ADCY8: variants seen among roughly 807,000 people sequenced by gnomAD.
ADCY8 encodes adenylate cyclase 8.
ADCY8 carries 51 observed loss-of-function variants against 119.7 expected under a neutral mutation model. The observed-to-expected ratio is 0.43, with a 90% CI of 0.34 to 0.54. The LOEUF (loss-of-function observed/expected upper bound fraction) is 0.54, where lower values mean the gene tolerates loss of function less well. Among genes scored for constraint, ADCY8 ranks in the 20% least tolerant of loss-of-function variants. The pLI is 0.03. For missense variants in ADCY8, 1,383 were observed against 1,598.8 expected (o/e 0.87, Z 2.30); for synonymous variants, 665 against 651.0 (o/e 1.02, Z -0.33).
At chr8:130,870,805 G>C (rs1241643130) in intron 8 of ADCY8, among the ~76,000 whole-genome samples, 2 of 152,116 alleles carry the variant, frequency 1.3e-5, no homozygotes, top group African/African-American at 4.8e-5. Context: ...GGCAAATTGG[G>C]TGGAGACAAA....
chr8:130,791,127 G>T (rs1815411725), intron 15 of ADCY8, among the ~76,000 whole-genome samples: 1 of 152,190 alleles, frequency 6.6e-6, no homozygotes, highest in Non-Finnish European at 1.5e-5. Flanking sequence ...CATAAATCCT[G>T]CTCTCTCTCA....
intron 2 of ADCY8, among the ~76,000 whole-genome samples, chr8:130,965,663 C>G (rs1253397024): frequency 6.6e-6 from 1 of 151,922 alleles, no homozygotes; most frequent in Non-Finnish European, 1.5e-5. Flanking sequence ...TTGATATTAT[C>G]AGAATATTTG....
At position 130,937,066 on chromosome 8, in the gene ADCY8, A is replaced by C; in HGVS notation, c.1481+7T>G. The C allele has an allele frequency of 6.2e-7, 1 of 1,608,756 alleles. No individual in the cohort carries two copies. The highest frequency in any genetic ancestry group is 8.5e-7 in the Non-Finnish European group (1 of 1,176,796). ...ACCCAGGTAACATGATGGGGATCAC[A>C]AATTACCTGATGGTTTTGATCATGC... On this transcript the variant is annotated splice_region_variant and intron_variant, in intron 5 of 17. Transcript: ENST00000286355.
chr8:130,791,231 G>A (rs1246825398), intron 15 of ADCY8, among the ~76,000 whole-genome samples: 1 of 152,226 alleles, frequency 6.6e-6, no homozygotes, highest in Non-Finnish European at 1.5e-5. Flanking sequence ...GAGGGTGATG[G>A]GTGGAGTCAG....
intron 9 of ADCY8, among the ~76,000 whole-genome samples, chr8:130,852,628 C>T (rs564754559): frequency 4.7e-4 from 72 of 152,290 alleles, no homozygotes; most frequent in African/African-American, 1.5e-3. Flanking sequence ...CTTTGAAAGA[C>T]GCTGAGTTGG....
intron 5 of ADCY8, chr8:130,935,676 T>C (rs1053796962): frequency 1.3e-5 from 2 of 152,260 alleles, no homozygotes; most frequent in Admixed American, 1.3e-4. Flanking sequence ...TGACCATCTT[T>C]GCTACACAGC....
At chr8:130,808,986 A>G (rs1816075514) in intron 14 of ADCY8, among the ~76,000 whole-genome samples, 1 of 152,090 alleles carries the variant, frequency 6.6e-6, no homozygotes, top group South Asian at 2.1e-4. Context: ...CCGGACCTCC[A>G]GCTGGCTTTA....
intron 1 of ADCY8, among the ~76,000 whole-genome samples, chr8:131,026,296 C>T (rs973791026): frequency 6.6e-6 from 1 of 152,150 alleles, no homozygotes; most frequent in Non-Finnish European, 1.5e-5. Flanking sequence ...CCATGTGAAC[C>T]AGGAAGCAGG....
At chr8:130,785,250 T>A in intron 16 of ADCY8, 133 bp downstream of exon 16, 1 of 563,284 alleles carries the variant, frequency 1.8e-6, no homozygotes, top group Non-Finnish European at 3.0e-6. Context: ...ACGTAACTAT[T>A]ATAATCCAGT....
At chr8:130,932,010 C>T (rs1476274477) in intron 5 of ADCY8, among the ~76,000 whole-genome samples, 1 of 152,088 alleles carries the variant, frequency 6.6e-6, no homozygotes, top group East Asian at 1.9e-4. Flanking sequence ...TGATTTTTGA[C>T]CTTCATCATT....
intron 13 of ADCY8, among the ~76,000 whole-genome samples, chr8:130,816,633 G>C (rs1816356026): frequency 6.6e-6 from 1 of 151,904 alleles, no homozygotes; most frequent in South Asian, 2.1e-4. Flanking sequence ...CACCGTGTTA[G>C]CCAGGATGGT....
chr8:130,834,847 T>A (rs950242862), intron 12 of ADCY8, among the ~76,000 whole-genome samples: 3 of 152,196 alleles, frequency 2.0e-5, no homozygotes, highest in African/African-American at 7.2e-5. Context: ...TATATGTGTG[T>A]ATGTATACAT....
chr8:131,013,457 T>C (rs2130783647), intron 1 of ADCY8, among the ~76,000 whole-genome samples: 1 of 152,318 alleles, frequency 6.6e-6, no homozygotes, highest in East Asian at 1.9e-4. Flanking sequence ...AAGCTCATGG[T>C]AAAAACCGAT....
intron 7 of ADCY8, among the ~76,000 whole-genome samples, chr8:130,894,844 A>T (rs1819328314): frequency 6.6e-6 from 1 of 152,194 alleles, no homozygotes; most frequent in African/African-American, 2.4e-5. Flanking sequence ...GGGCACATAT[A>T]AAATTACTTG....
intron 3 of ADCY8, 71 bp downstream of exon 3, chr8:130,951,797 G>A: frequency 6.3e-7 from 1 of 1,579,466 alleles, no homozygotes; most frequent in Admixed American, 1.7e-5. Flanking sequence ...GGAAGTCACG[G>A]AAGTGCAATG....
chr8:130,822,996 C>T (rs1454239741), intron 12 of ADCY8, among the ~76,000 whole-genome samples: 1 of 152,146 alleles, frequency 6.6e-6, no homozygotes, highest in East Asian at 1.9e-4. Flanking sequence ...GTCACTTGTT[C>T]ACATTGCTTA....
intron 1 of ADCY8, among the ~76,000 whole-genome samples, chr8:131,028,909 G>A (rs921925663): frequency 6.6e-6 from 1 of 152,192 alleles, no homozygotes; most frequent in African/African-American, 2.4e-5. Flanking sequence ...CCCAGATGGT[G>A]AGCACCCACC....
rs578146387 is a variant in ADCY8, at chr8:130,873,597, GGCATGAGCCACTAC to G, written c.2110-5665_2110-5652del. Among the ~76,000 whole-genome samples, 20 of 152,278 alleles carry G rather than the reference GGCATGAGCCACTAC, an allele frequency of 1.3e-4. No homozygotes were observed. In the South Asian group the frequency reaches 4.1e-3, roughly 32 times the overall value. ...AGCCTTCCAAAGTGCTGGGCTTACA[GGCATGAGCCACTAC>G]GCCTGGCCACTCTGTCTTTTTATCA... On this transcript the variant is annotated intron_variant, in intron 8 of 17. Transcript: ENST00000286355.
At chr8:130,837,132 T>G (rs1022671291) in intron 11 of ADCY8, among the ~76,000 whole-genome samples, 1 of 152,202 alleles carries the variant, frequency 6.6e-6, no homozygotes, top group Non-Finnish European at 1.5e-5. Flanking sequence ...TTGGCAGCTC[T>G]GTCTGCAGTT....
Sources: gnomAD v4.1 joint callset for allele counts (sites outside exome capture counted in the v4.1 genomes callset) on GRCh38, gnomAD v4.1.1 for gene constraint, MANE v1.5 for transcripts, NCBI Gene and HGNC (gene_info 2026-07-23, HGNC 2026-07-21) for gene names.